SUGCT: variants seen among roughly 807,000 people sequenced by gnomAD.
SUGCT encodes succinyl-CoA:glutarate-CoA transferase.
SUGCT carries 41 observed loss-of-function variants against 55.0 expected under a neutral mutation model. The ratio of observed to expected loss-of-function variants is 0.74; its 90% CI spans 0.58 to 0.97. The LOEUF (loss-of-function observed/expected upper bound fraction) is 0.97. Ranked by LOEUF, SUGCT falls within the 50% of genes least tolerant of loss-of-function variation. SUGCT has a pLI of 0.00. For missense variants in SUGCT, 568 were observed against 547.8 expected (o/e 1.04, Z -0.37); for synonymous variants, 187 against 200.4 (o/e 0.93, Z 0.56).
intron 9 of SUGCT, among the ~76,000 whole-genome samples, chr7:40,357,055 A>G (rs921944643): frequency 6.6e-6 from 1 of 152,238 alleles, no homozygotes; most frequent in African/African-American, 2.4e-5. Context: ...AAAATGACTC[A>G]TCACTGGTAA....
rs181359437 is a variant in SUGCT, at chr7:40,381,056, A to G, written c.816+64201A>G. Among the ~76,000 whole-genome samples the G allele has an allele frequency of 1.4e-3, 206 of 152,230 alleles. No individual in the cohort carries two copies. The Middle Eastern group carries it at 0.017, about 13-fold the overall frequency. ...ATCATTTGTCATATTTTTAATATCTATTCTCAGTAGGTGGAGGGCAGTAGA... is the reference window on the plus strand; with the variant it reads ...ATCATTTGTCATATTTTTAATATCTGTTCTCAGTAGGTGGAGGGCAGTAGA... On this transcript the variant is annotated intron_variant, in intron 9 of 13. Transcript: ENST00000335693.
chr7:41,010,289 A>G, the SUGCT span, among the ~76,000 whole-genome samples: 23 of 152,286 alleles, frequency 1.5e-4, no homozygotes, highest in Admixed American at 1.4e-3. Flanking sequence ...ACTGTTAATG[A>G]CTCAATGAGC....
At chr7:40,215,854 T>G (rs1787600786) in intron 6 of SUGCT, among the ~76,000 whole-genome samples, 1 of 148,688 alleles carries the variant, frequency 6.7e-6, no homozygotes, top group South Asian at 2.1e-4. Context: ...ACAGCAAGAC[T>G]CCGTCTCAAA....
intron 12 of SUGCT, among the ~76,000 whole-genome samples, chr7:40,666,043 C>T (rs1336390261): frequency 6.6e-6 from 1 of 151,966 alleles, no homozygotes; most frequent in Non-Finnish European, 1.5e-5. Flanking sequence ...GGGAGAACTG[C>T]TTCTTGTGGC....
At chr7:40,736,931 G>C (rs1038781917) in intron 12 of SUGCT, among the ~76,000 whole-genome samples, 1 of 152,038 alleles carries the variant, frequency 6.6e-6, no homozygotes, top group East Asian at 1.9e-4. Flanking sequence ...AAAAAATGGG[G>C]ATCAAAAATT....
At chr7:40,350,531 A>G (rs1159154722) in intron 9 of SUGCT, among the ~76,000 whole-genome samples, 19 of 148,166 alleles carry the variant, frequency 1.3e-4, no homozygotes, top group African/African-American at 4.2e-4. Context: ...GGGTTTCACC[A>G]TGTTGGTCAG....
chr7:40,802,971 A>G (rs907084146), intron 13 of SUGCT, among the ~76,000 whole-genome samples: 2 of 152,218 alleles, frequency 1.3e-5, no homozygotes, highest in African/African-American at 4.8e-5. Context: ...TACTGTGGCT[A>G]TCCATTTAAA....
At chr7:40,186,944 T>C (rs1164354149) in intron 3 of SUGCT, among the ~76,000 whole-genome samples, 1 of 152,204 alleles carries the variant, frequency 6.6e-6, no homozygotes, top group African/African-American at 2.4e-5. Flanking sequence ...GATTTTGAAA[T>C]CATGGCAGCT....
intron 13 of SUGCT, among the ~76,000 whole-genome samples, chr7:40,842,912 A>G (rs547339857): frequency 6.6e-6 from 1 of 152,224 alleles, no homozygotes; most frequent in Non-Finnish European, 1.5e-5. Context: ...GTTCATGTTC[A>G]GTGAAAATGC....
intron 12 of SUGCT, among the ~76,000 whole-genome samples, chr7:40,691,310 CT>C (rs536602371): frequency 3.2e-3 from 466 of 143,912 alleles, no homozygotes; most frequent in Middle Eastern, 7.0e-3. Flanking sequence ...ATGTGAGAAA[CT>C]TTTTTTTTTT....
chr7:40,175,096 G>T (rs1200244465), intron 1 of SUGCT, among the ~76,000 whole-genome samples: 1 of 151,970 alleles, frequency 6.6e-6, no homozygotes, highest in African/African-American at 2.4e-5. Flanking sequence ...ATTACGCTGT[G>T]TTTCTTTCTT....
intron 9 of SUGCT, among the ~76,000 whole-genome samples, chr7:40,407,471 TA>T (rs565305004): frequency 1.2e-3 from 179 of 151,692 alleles, no homozygotes; most frequent in African/African-American, 4.1e-3. Context: ...TGGCAAAAAT[TA>T]AAAAAAAGAA....
At chr7:40,748,804 T>A (rs1168104914) in intron 12 of SUGCT, among the ~76,000 whole-genome samples, 1 of 152,184 alleles carries the variant, frequency 6.6e-6, no homozygotes, top group Non-Finnish European at 1.5e-5. Context: ...CTTAAGGTCT[T>A]GGCCACCATT....
intron 9 of SUGCT, among the ~76,000 whole-genome samples, chr7:40,388,915 A>G (rs948020515): frequency 6.6e-6 from 1 of 152,134 alleles, no homozygotes; most frequent in African/African-American, 2.4e-5. Flanking sequence ...TTCATGTTTT[A>G]CCACTTAAGA....
At chr7:40,772,450 C>G (rs902052498) in intron 13 of SUGCT, among the ~76,000 whole-genome samples, 1 of 152,014 alleles carries the variant, frequency 6.6e-6, no homozygotes, top group Non-Finnish European at 1.5e-5. Flanking sequence ...TCGTGATAGA[C>G]GCTAGATCTC....
intron 8 of SUGCT, among the ~76,000 whole-genome samples, chr7:40,289,293 A>G (rs145833668): frequency 6.6e-6 from 1 of 152,192 alleles, no homozygotes; most frequent in African/African-American, 2.4e-5. Context: ...CCTGTGGGGG[A>G]TACATTTTAA....
chr7:40,304,441 T>A (rs994063615), intron 8 of SUGCT, among the ~76,000 whole-genome samples: 5 of 151,678 alleles, frequency 3.3e-5, no homozygotes, highest in Non-Finnish European at 5.9e-5. Context: ...TTAAATTTTT[T>A]ATTTTTTTAT....
intron 8 of SUGCT, among the ~76,000 whole-genome samples, chr7:40,278,451 A>G (rs1356758445): frequency 6.6e-6 from 1 of 152,338 alleles, no homozygotes; most frequent in South Asian, 2.1e-4. Context: ...ACTATAAATC[A>G]TGCTGCTATA....
chr7:40,934,264 A>C, the SUGCT span, among the ~76,000 whole-genome samples: 2 of 152,228 alleles, frequency 1.3e-5, no homozygotes, highest in Non-Finnish European at 2.9e-5. Context: ...TATCACCAGC[A>C]GAGGCTGCAG....
Sources: allele counts gnomAD v4.1 joint callset (sites outside exome capture counted in the v4.1 genomes callset), GRCh38; gene constraint gnomAD v4.1.1; transcripts MANE v1.5; gene names NCBI Gene and HGNC (gene_info 2026-07-23, HGNC 2026-07-21).